Variants in WDR18 observed in about 807,000 individuals in gnomAD.
WDR18 encodes WD repeat-containing protein 18.
Under a neutral mutation model 49.6 loss-of-function variants are expected in WDR18, and 33 were observed. That is an observed-to-expected ratio of 0.67 (90% CI 0.50 to 0.89). WDR18 has a LOEUF of 0.89. WDR18 is among the 40% of genes least tolerant of loss of function. The probability of loss-of-function intolerance (pLI) is 0.00; values close to 1 mark genes in which losing one functional copy is unlikely to be tolerated. For missense variants in WDR18, 653 were observed against 593.6 expected (o/e 1.10, Z -1.04); for synonymous variants, 315 against 263.6 (o/e 1.19, Z -1.89).
chr19:984,889 T>C (rs1164023121), intron 1 of WDR18, among the ~76,000 whole-genome samples: 1 of 152,064 alleles, frequency 6.6e-6, no homozygotes, highest in Non-Finnish European at 1.5e-5. Flanking sequence ...AAGGGGCCTA[T>C]GAGCTCTGTG....
chr19:994,228 C>T lies in WDR18; in HGVS notation c.1183C>T (p.Gln395Ter). 4 of 1,605,244 alleles carry T rather than the reference C, an allele frequency of 2.5e-6. No individual in the cohort carries two copies. Among genetic ancestry groups the T allele is most frequent in the Non-Finnish European group, 3.4e-6 (4 of 1,177,656 alleles). Residue 395 changes from glutamine (Q) to a stop codon, truncating the protein, a stop_gained, in exon 10 of 10, where the codon CAG (glutamine) becomes TAG (stop). Coordinates refer to ENST00000585809, the MANE Select transcript of WDR18 (RefSeq NM_024100.4). LOFTEE classifies it high-confidence loss of function. ...TCTCCCGCAGAGCGTGCTCGGCGGC[C>T]AGGACCAGCTGCGCGTCCGTGTGAC... ...STMEKSVLGG[Q>*]DQLRVRVTEL...
chr19:994,178 C>A (rs1490990040), intron 9 of WDR18, 35 bp from the exon 10 acceptor site: 1 of 1,574,072 alleles, frequency 6.4e-7, no homozygotes, highest in East Asian at 2.3e-5. Context: ...ACACCCCAGG[C>A]CACTTCTGCC....
intron 8 of WDR18, among the ~76,000 whole-genome samples, chr19:992,684 A>G (rs2038575863): frequency 6.6e-6 from 1 of 152,100 alleles, no homozygotes; most frequent in African/African-American, 2.4e-5. Context: ...CTTCCGGAAC[A>G]CTTCCCACCC....
chr19:987,438 C>T (rs1180674376), intron 2 of WDR18, among the ~76,000 whole-genome samples: 2 of 152,150 alleles, frequency 1.3e-5, no homozygotes, highest in Non-Finnish European at 2.9e-5. Context: ...AATTTTTAAA[C>T]TTATTTTTGA....
At chr19:988,404 C>T (rs970065532) in intron 2 of WDR18, among the ~76,000 whole-genome samples, 3 of 152,188 alleles carry the variant, frequency 2.0e-5, no homozygotes, top group African/African-American at 7.2e-5. Context: ...CCCGGTCTGT[C>T]CCGGCCCTGG....
rs552400768 is a variant in WDR18 at position 988,843 on chromosome 19, A to G, written c.322-919A>G. Among the ~76,000 whole-genome samples the G allele has an allele frequency of 5.4e-4, 82 of 152,212 alleles. 1 individual carries two copies. The South Asian group carries it at 0.015, about 28-fold the overall frequency. ...TCTCAGCTTACAACAACCGGGACAC[A>G]TGGATGGATGCCCCCGCTCCAGAAC... On this transcript the variant is annotated intron_variant, in intron 2 of 9. Coordinates refer to ENST00000585809, the MANE Select transcript of WDR18 (RefSeq NM_024100.4).
In WDR18 at chr19:988,518, C is replaced by A. The variant is rs931462592; in HGVS notation, c.322-1244C>A. On this transcript the variant is annotated intron_variant, in intron 2 of 9. Transcript: ENST00000585809. ...CCCCAGCCACCCTGGGTTTTGCATG[C>A]GAGGAAAGCGAGGCCCAGAGAGGGC... Among the ~76,000 whole-genome samples, 3 of 152,190 alleles carry A rather than the reference C, an allele frequency of 2.0e-5. No individual in the cohort carries two copies. In the South Asian group the frequency reaches 6.2e-4, roughly 31 times the overall value.
In WDR18 at chr19:991,945, C is replaced by A. The variant is rs777060371; in HGVS notation, c.932-10C>A. ...GGGATGGGGCGGGGCCTGACCTCCGCGCCCCCCAGGCCCAGTCACCAATGC... is the reference window on the plus strand; with the variant it reads ...GGGATGGGGCGGGGCCTGACCTCCGAGCCCCCCAGGCCCAGTCACCAATGC... On this transcript the variant is annotated splice_polypyrimidine_tract_variant and intron_variant, in intron 7 of 9. Coordinates refer to ENST00000585809, the MANE Select transcript of WDR18 (RefSeq NM_024100.4). 6 of 1,565,554 alleles carry A rather than the reference C, an allele frequency of 3.8e-6. No individual in the cohort carries two copies. In the Admixed American group the frequency reaches 5.3e-5, roughly 14 times the overall value.
chr19:984,177 C>T, upstream of WDR18: 4 of 674,956 alleles, frequency 5.9e-6, no homozygotes, highest in Non-Finnish European at 9.2e-6. Flanking sequence ...GCGCGACCCT[C>T]GAGTCTCAGG....
At chr19:986,221 A>C (rs1185416768) in intron 2 of WDR18, among the ~76,000 whole-genome samples, 3 of 152,100 alleles carry the variant, frequency 2.0e-5, no homozygotes, top group African/African-American at 4.8e-5. Context: ...AGTCCCCGGC[A>C]CTCACACACC....
At chr19:991,496 C>A in intron 7 of WDR18, 145 bp downstream of exon 7, 2 of 510,808 alleles carry the variant, frequency 3.9e-6, no homozygotes, top group Non-Finnish European at 4.8e-6. Flanking sequence ...GGGGCGGGGC[C>A]TGGCTGGGGG....
rs560076490 is a variant in WDR18 at position 985,331 on chromosome 19, G to A, written c.211-534G>A. ...CAGGCCCGCACCAACCACCACACCC[G>A]GCCCACATTTGTATTTTTTGTAGAG... On this transcript the variant is annotated intron_variant, in intron 1 of 9. Coordinates refer to ENST00000585809, the MANE Select transcript of WDR18 (RefSeq NM_024100.4). 3.9e-5 allele frequency among the ~76,000 whole-genome samples: 6 copies of A among 152,080 alleles called. No homozygotes were observed. The South Asian group carries it at 6.2e-4, about 16-fold the overall frequency.
chr19:984,212 G>T, upstream of WDR18: 1 of 900,278 alleles, frequency 1.1e-6, no homozygotes, highest in Non-Finnish European at 1.6e-6. Context: ...CACTTCACAA[G>T]AAAGCCCCTC....
chr19:992,895 C>T (rs147434192), intron 8 of WDR18, among the ~76,000 whole-genome samples: 36 of 152,382 alleles, frequency 2.4e-4, no homozygotes, highest in African/African-American at 7.5e-4. Context: ...CTTCTCCCCA[C>T]GCGCCCTCTT....
intron 2 of WDR18, among the ~76,000 whole-genome samples, chr19:989,095 CAGAG>C (rs2038509829): frequency 2.4e-5 from 2 of 82,826 alleles, no homozygotes; most frequent in Non-Finnish European, 2.4e-5. Context: ...CACAACCCCC[CAGAG>C]CATCTCAGCC....
upstream of WDR18, among the ~76,000 whole-genome samples, chr19:983,693 T>C (rs1294552070): frequency 6.6e-6 from 1 of 151,836 alleles, no homozygotes. Context: ...ACTAATAATT[T>C]AGATGTTGAG....
At position 984,582 on chromosome 19, in the gene WDR18, G is replaced by A; in HGVS notation, c.210+19G>A. 7.0e-7 allele frequency: 1 copy of A among 1,431,860 alleles called. No homozygotes were observed. The highest frequency in any genetic ancestry group is 1.5e-5 in the African/African-American group (1 of 67,622). The allele number at this position is 1,431,860 out of a possible 1,614,324, so 88.7% of individuals were successfully genotyped here. On this transcript the variant is annotated intron_variant, in intron 1 of 9. Coordinates refer to ENST00000585809, the MANE Select transcript of WDR18 (RefSeq NM_024100.4). ...GCGGAAGGTGCGGCGGTGCGGTCTC[G>A]CTGCTGGGGTCATGGGGCGCCCGAG...
chr19:991,283 C>T lies in WDR18; in HGVS notation c.863C>T (p.Ser288Phe), dbSNP rs776227306. The change falls in exon 7 of 10, where the codon TCC becomes TTC. Residue 288 changes from serine (S) to phenylalanine (F), a missense_variant. Coordinates refer to ENST00000585809, the MANE Select transcript of WDR18 (RefSeq NM_024100.4). ...STDGSVLLSGSHDETVRLWDV... is the reference protein window; with the variant it reads ...STDGSVLLSGFHDETVRLWDV... The stretch of plus-strand genomic sequence containing the variant: ...GACGGCAGCGTGCTGCTCTCAGGCT[C>T]CCACGACGAGACCGTGCGCCTCTGG... 35 of 1,567,046 alleles carry T rather than the reference C, an allele frequency of 2.2e-5. No individual in the cohort carries two copies. Among genetic ancestry groups the T allele is most frequent in the Non-Finnish European group, 3.0e-5 (35 of 1,155,214 alleles).
chr19:994,047 A>T lies in WDR18; in HGVS notation c.1126A>T (p.Thr376Ser), dbSNP rs751281256. 9 of 1,560,438 alleles carry T rather than the reference A, an allele frequency of 5.8e-6. No individual in the cohort carries two copies. Among genetic ancestry groups the T allele is most frequent in the Non-Finnish European group, 6.1e-6 (7 of 1,153,514 alleles). ...CTCGGAGCCCAGCTACCTGGACCGC[A>T]CGGAGCAGCTGCAGGCCGTCCTGTG... Reference protein sequence around the residue: ...QGSEPSYLDRTEQLQAVLCST... With the variant: ...QGSEPSYLDRSEQLQAVLCST... The change falls in exon 9 of 10, where the codon ACG becomes TCG. Residue 376 changes from threonine to serine, a missense_variant. By Grantham distance (58) the Thr-to-Ser change is moderately conservative. Coordinates refer to ENST00000585809, the MANE Select transcript of WDR18 (RefSeq NM_024100.4).
Sources: gnomAD v4.1 joint callset for allele counts (sites outside exome capture counted in the v4.1 genomes callset) on GRCh38, gnomAD v4.1.1 for gene constraint, MANE v1.5 for transcripts, NCBI Gene and HGNC (gene_info 2026-07-23, HGNC 2026-07-21) for gene names.